Variants in IL1RAPL1 observed in about 807,000 individuals in gnomAD.
IL1RAPL1 encodes the protein interleukin 1 receptor accessory protein like 1, also known as interleukin-1 receptor accessory protein-like 1.
IL1RAPL1 carries 3 observed loss-of-function variants against 48.4 expected under a neutral mutation model. That is an observed-to-expected ratio of 0.06 (90% CI 0.03 to 0.16). The LOEUF is 0.16. Among genes scored for constraint, IL1RAPL1 ranks in the 10% least tolerant of loss-of-function variants. IL1RAPL1 has a pLI of 1.00. For missense variants in IL1RAPL1, 349 were observed against 530.6 expected (o/e 0.66, Z 3.36); for synonymous variants, 185 against 187.7 (o/e 0.99, Z 0.12).
chrX:29,764,946 T>A (rs1374852905), intron 6 of IL1RAPL1, among the ~76,000 whole-genome samples: 2 of 112,314 alleles, frequency 1.8e-5, no homozygotes, highest in African/African-American at 6.5e-5. Flanking sequence ...CAAGAGCCGC[T>A]GCTGAAAAGC....
At chrX:28,961,764 C>G (rs1336695480) in intron 2 of IL1RAPL1, among the ~76,000 whole-genome samples, 1 of 111,771 alleles carries the variant, frequency 8.9e-6, no homozygotes, top group Non-Finnish European at 1.9e-5. Context: ...TCCCCCTCTC[C>G]CAAATTAATT....
intron 6 of IL1RAPL1, among the ~76,000 whole-genome samples, chrX:29,732,873 G>A (rs959328259): frequency 8.9e-6 from 1 of 111,778 alleles, no homozygotes; most frequent in Non-Finnish European, 1.9e-5. Context: ...CAAATTTGTC[G>A]CACATTTGTA....
chrX:29,402,029 GATTAT>G (rs1933999948), intron 5 of IL1RAPL1, among the ~76,000 whole-genome samples: 1 of 111,205 alleles, frequency 9.0e-6, no homozygotes, highest in African/African-American at 3.3e-5. Flanking sequence ...GAGTAGCTGG[GATTAT>G]AGGCCCGTGC....
chrX:29,344,777 A>G (rs1243378626), intron 3 of IL1RAPL1, among the ~76,000 whole-genome samples: 3 of 112,245 alleles, frequency 2.7e-5, no homozygotes. Context: ...AGCTGGGACT[A>G]CAGGCACATG....
rs779377082 is a variant in IL1RAPL1, at chrX:29,955,612, A to T, written c.1883A>T (p.Tyr628Phe). 1 of 1,206,266 alleles carries T rather than the reference A, an allele frequency of 8.3e-7. No homozygotes were observed. Among genetic ancestry groups the T allele is most frequent in the Non-Finnish European group, 1.1e-6 (1 of 892,930 alleles). Reference protein sequence around the residue: ...QMRQKHYYRSYEYDVPPTGTL... With the variant: ...QMRQKHYYRSFEYDVPPTGTL... Reference sequence around the variant, plus strand: ...CGTCAGAAACACTACTACCGAAGCTATGAGTACGACGTACCTCCTACCGGC... The same window carrying T: ...CGTCAGAAACACTACTACCGAAGCTTTGAGTACGACGTACCTCCTACCGGC... The change falls in exon 11 of 11, where the codon TAT becomes TTT. Residue 628 changes from tyrosine (Y) to phenylalanine (F), a missense_variant. Around this residue, in one of 3 missense-constraint regions of IL1RAPL1, gnomAD observed 65 missense variants for 79.6 expected, o/e 0.82. Transcript: ENST00000378993.
chrX:29,656,285 A>G (rs893509031), intron 5 of IL1RAPL1, among the ~76,000 whole-genome samples: 5 of 111,994 alleles, frequency 4.5e-5, no homozygotes, highest in African/African-American at 1.6e-4. Context: ...TTTTTATTTC[A>G]ATAGTTTTGG....
intron 1 of IL1RAPL1, among the ~76,000 whole-genome samples, chrX:28,761,261 G>T (rs1006581440): frequency 9.0e-6 from 1 of 110,551 alleles, no homozygotes; most frequent in African/African-American, 3.3e-5. Context: ...CCACTACTGG[G>T]TATATACCGA....
intron 1 of IL1RAPL1, among the ~76,000 whole-genome samples, chrX:28,668,036 T>C (rs1306381735): frequency 8.9e-6 from 1 of 111,968 alleles, no homozygotes; most frequent in African/African-American, 3.2e-5. Flanking sequence ...AGAATTTCTA[T>C]GTAGCAATTA....
intron 6 of IL1RAPL1, among the ~76,000 whole-genome samples, chrX:29,861,108 CTT>C (rs1931574411): frequency 8.9e-6 from 1 of 111,831 alleles, no homozygotes; most frequent in Non-Finnish European, 1.9e-5. Flanking sequence ...GGAAAGCACT[CTT>C]TTTTCTTGAA....
At chrX:29,219,422 G>A (rs1930933308) in intron 2 of IL1RAPL1, among the ~76,000 whole-genome samples, 1 of 111,314 alleles carries the variant, frequency 9.0e-6, no homozygotes, top group Non-Finnish European at 1.9e-5. Context: ...TTTAGCAAGG[G>A]AGTGAGCTAC....
chrX:29,942,007 C>A (rs763671445), intron 9 of IL1RAPL1, among the ~76,000 whole-genome samples: 44 of 112,190 alleles, frequency 3.9e-4, no homozygotes, highest in Non-Finnish European at 6.8e-4. Context: ...TGTAAAGCAA[C>A]ACCTATCCAT....
chrX:29,078,541 G>A (rs188485235), intron 2 of IL1RAPL1, among the ~76,000 whole-genome samples: 97 of 112,118 alleles, frequency 8.7e-4, no homozygotes, highest in African/African-American at 3.1e-3. Context: ...TACATAATCA[G>A]TGCTCCGTAA....
At chrX:29,592,013 G>A (rs1258462142) in intron 5 of IL1RAPL1, among the ~76,000 whole-genome samples, 1 of 111,468 alleles carries the variant, frequency 9.0e-6, no homozygotes, top group African/African-American at 3.3e-5. Context: ...AGGATCTGAT[G>A]AACGGGTGAA....
intron 4 of IL1RAPL1, among the ~76,000 whole-genome samples, chrX:29,397,936 T>C (rs1197920285): frequency 8.9e-6 from 1 of 112,188 alleles, no homozygotes. Context: ...TGGCTGGTCC[T>C]TTAGTCCTAT....
At chrX:29,914,573 CTG>C (rs921841552) in intron 6 of IL1RAPL1, among the ~76,000 whole-genome samples, 14 of 111,445 alleles carry the variant, frequency 1.3e-4, no homozygotes, top group African/African-American at 4.6e-4. Context: ...ATTTTTAAAA[CTG>C]TAATACATCT....
chrX:29,193,829 A>G (rs1044245646), intron 2 of IL1RAPL1, among the ~76,000 whole-genome samples: 1 of 111,934 alleles, frequency 8.9e-6, no homozygotes, highest in Non-Finnish European at 1.9e-5. Context: ...ACCAATGTCA[A>G]TTTCCTAGTT....
chrX:29,240,396 G>A (rs1179180006), intron 2 of IL1RAPL1, among the ~76,000 whole-genome samples: 4 of 105,322 alleles, frequency 3.8e-5, no homozygotes, highest in South Asian at 4.4e-4. Context: ...CACCTCACCC[G>A]GCTAATTTTT....
chrX:29,918,798 G>T (rs1453698042), intron 7 of IL1RAPL1, among the ~76,000 whole-genome samples: 1 of 111,930 alleles, frequency 8.9e-6, no homozygotes, highest in Non-Finnish European at 1.9e-5. Flanking sequence ...ATTCATTTAA[G>T]TATCAATTAT....
intron 6 of IL1RAPL1, among the ~76,000 whole-genome samples, chrX:29,730,725 G>A (rs1927895194): frequency 8.9e-6 from 1 of 112,127 alleles, no homozygotes; most frequent in South Asian, 3.7e-4. Flanking sequence ...TGCCTTGCCA[G>A]TGGTAGAATT....
Sources: allele counts gnomAD v4.1 joint callset (sites outside exome capture counted in the v4.1 genomes callset), GRCh38; gene constraint gnomAD v4.1.1; regional missense constraint gnomAD v4.1.1; transcripts MANE v1.5; gene names NCBI Gene and HGNC (gene_info 2026-07-23, HGNC 2026-07-21).